The following LRPPRC variants were observed in gnomAD, a reference collection of about 807,000 sequenced individuals.
LRPPRC encodes the protein leucine rich pentatricopeptide repeat containing, also known as leucine-rich PPR motif-containing protein, mitochondrial.
Under a neutral mutation model 180.3 loss-of-function variants are expected in LRPPRC, and 120 were observed. The observed-to-expected ratio is 0.67, with a 90% CI of 0.57 to 0.77. The LOEUF (loss-of-function observed/expected upper bound fraction) is 0.77, where lower values mean the gene tolerates loss of function less well. Ranked by LOEUF, LRPPRC falls within the 30% of genes least tolerant of loss-of-function variation. LRPPRC has a pLI of 0.00. For synonymous variants in LRPPRC, 723 were observed against 600.0 expected (o/e 1.21, Z -3.00); for missense variants, 2,012 against 1,657.2 (o/e 1.21, Z -3.72).
At position 43,918,002 on chromosome 2, in the gene LRPPRC, CCCCCAT is replaced by C; in HGVS notation, c.3148+17_3148+22del. On this transcript the variant is annotated intron_variant, in intron 29 of 37. Coordinates refer to ENST00000260665, the MANE Select transcript of LRPPRC (RefSeq NM_133259.4). Reference sequence around the variant, plus strand: ...AAAGAAGACCACCCCCCCACACACACCCCCATCCCCGTATGTGCTTGCCTTTTTTTT... The same window carrying C: ...AAAGAAGACCACCCCCCCACACACACCCCCGTATGTGCTTGCCTTTTTTTT... 3 of 1,507,032 alleles carry C rather than the reference CCCCCAT, an allele frequency of 2.0e-6. No individual in the cohort carries two copies. Among genetic ancestry groups the C allele is most frequent in the Non-Finnish European group, 2.8e-6 (3 of 1,084,490 alleles). The allele number at this position is 1,507,032 out of a possible 1,614,324, so 93.4% of individuals were successfully genotyped here. A position where few individuals can be genotyped will look rare whatever the true frequency, so the allele number is the denominator to read the frequency against.
Position 43,899,580 on chromosome 2 carries a change from T to C in LRPPRC, c.3595A>G (p.Asn1199Asp), listed in dbSNP as rs113974315. 1.8e-3 allele frequency: 2,858 copies of C among 1,611,096 alleles called. 40 individuals carry two copies. The African/African-American group carries it at 0.032, about 18-fold the overall frequency. The change falls in exon 33 of 38, where the codon AAC becomes GAC. Residue 1199 changes from asparagine to aspartate, a missense_variant. Transcript: ENST00000260665. ...KNNNIDAAIE[N>D]IENMLTSENK... ...TCTGAAGTAAGCATATTTTCAATGT[T>C]TTCTATTGCGGCATCTATGTTATTA...
chr2:43,943,972 G>T (rs1572950350), intron 22 of LRPPRC, 78 bp from the exon 23 acceptor site: 1 of 1,004,804 alleles, frequency 1.0e-6, no homozygotes, highest in Non-Finnish European at 1.6e-6. Context: ...AGCATTTCAA[G>T]CCCAGCAGGA....
At chr2:43,963,863 A>G in intron 11 of LRPPRC, 157 bp from the exon 12 acceptor site, 2 of 652,996 alleles carry the variant, frequency 3.1e-6, no homozygotes, top group South Asian at 3.6e-5. Context: ...TGTGAGATAC[A>G]ATGATAAAAA....
At chr2:43,957,360 G>A (rs1276077843) in intron 14 of LRPPRC, 25 bp downstream of exon 14, 2 of 1,549,274 alleles carry the variant, frequency 1.3e-6, no homozygotes, top group Non-Finnish European at 1.8e-6. Context: ...GTTCAGGCAA[G>A]GAACATTTAA....
In LRPPRC at chr2:43,995,967, C is replaced by T. The variant is rs968980034; in HGVS notation, c.-20G>A. The stretch of plus-strand genomic sequence containing the variant: ...TGCCATTGCTCGAACGTCCCCGCAG[C>T]GGGAAGCACGCTCCGCCAGAAGGAC... On this transcript the variant is annotated 5_prime_UTR_variant, in exon 1 of 38. Coordinates refer to ENST00000260665, the MANE Select transcript of LRPPRC (RefSeq NM_133259.4). The T allele has an allele frequency of 6.6e-7, 1 of 1,523,908 alleles. No homozygotes were observed. Among genetic ancestry groups the T allele is most frequent in the Non-Finnish European group, 8.8e-7 (1 of 1,142,262 alleles). The allele number at this position is 1,523,908 out of a possible 1,614,324, so 94.4% of individuals were successfully genotyped here.
At chr2:43,980,723 A>G (rs1044987336) in intron 2 of LRPPRC, among the ~76,000 whole-genome samples, 29 of 152,192 alleles carry the variant, frequency 1.9e-4, no homozygotes, top group African/African-American at 6.3e-4. Context: ...ATATCCCTGA[A>G]AGCTGACTTT....
chr2:43,958,517 A>G (rs1192286694), intron 13 of LRPPRC, among the ~76,000 whole-genome samples: 1 of 152,216 alleles, frequency 6.6e-6, no homozygotes, highest in Non-Finnish European at 1.5e-5. Context: ...TTGAACAAGG[A>G]GCCTAAGTTT....
intron 37 of LRPPRC, among the ~76,000 whole-genome samples, chr2:43,889,222 G>A (rs1261446734): frequency 2.1e-5 from 3 of 142,734 alleles, no homozygotes; most frequent in Non-Finnish European, 4.5e-5. Flanking sequence ...GGCTGAGGCA[G>A]GAGAATCGCT....
chr2:43,902,472 C>G (rs776200540), intron 31 of LRPPRC: 1 of 152,060 alleles, frequency 6.6e-6, no homozygotes, highest in African/African-American at 2.4e-5. Context: ...CTAAGAACAG[C>G]TTAGTTTTAC....
intron 1 of LRPPRC, among the ~76,000 whole-genome samples, chr2:43,991,468 C>T (rs1457785729): frequency 6.6e-6 from 1 of 152,208 alleles, no homozygotes; most frequent in Non-Finnish European, 1.5e-5. Flanking sequence ...TTAGGCCAAT[C>T]ATTAGTCTAG....
intron 36 of LRPPRC, among the ~76,000 whole-genome samples, chr2:43,893,695 T>G (rs1289464809): frequency 6.6e-6 from 1 of 152,206 alleles, no homozygotes; most frequent in Non-Finnish European, 1.5e-5. Context: ...TTTATTGTGG[T>G]GGTCTGGAAC....
At chr2:43,973,518 G>A in intron 11 of LRPPRC, 89 bp downstream of exon 11, 4 of 832,496 alleles carry the variant, frequency 4.8e-6, no homozygotes, top group Non-Finnish European at 8.5e-6. Context: ...GAATAAGTAT[G>A]CTTTTCCAAA....
chr2:43,893,547 A>G (rs1670572391), intron 36 of LRPPRC, among the ~76,000 whole-genome samples: 2 of 152,234 alleles, frequency 1.3e-5, no homozygotes, highest in African/African-American at 4.8e-5. Flanking sequence ...ATTTTTAGCA[A>G]TATCTTAAAA....
chr2:43,888,428 A>G lies in LRPPRC; in HGVS notation c.*172T>C. The G allele has an allele frequency of 1.8e-6, 1 of 552,198 alleles. No homozygotes were observed. Among genetic ancestry groups the G allele is most frequent in the South Asian group, 2.0e-5 (1 of 49,040 alleles). 34.2% of individuals were successfully genotyped at this position (552,198 alleles called of 1,614,324 possible). On this transcript the variant is annotated 3_prime_UTR_variant, in exon 38 of 38. Coordinates refer to ENST00000260665, the MANE Select transcript of LRPPRC (RefSeq NM_133259.4). ...TTTCCCAGAGAAAAAAACTCCAAAA[A>G]TGTCCAATAACCAAGTGCACAGAGT...
chr2:43,909,307 C>G (rs1363279152), intron 30 of LRPPRC, among the ~76,000 whole-genome samples: 1 of 152,076 alleles, frequency 6.6e-6, no homozygotes, highest in Non-Finnish European at 1.5e-5. Context: ...ATCTTGGGTT[C>G]TCTTGGGTAG....
At position 43,947,416 on chromosome 2, in the gene LRPPRC, T is replaced by C. The variant is rs779248053; in HGVS notation, c.1966-46A>G. On this transcript the variant is annotated intron_variant, in intron 19 of 37. Coordinates refer to ENST00000260665, the MANE Select transcript of LRPPRC (RefSeq NM_133259.4). ...AAGAAAAATTTCCTGAAAAAGGAAATATAGTATGCCTTTTGTCACTCTTCC... is the reference window on the plus strand; with the variant it reads ...AAGAAAAATTTCCTGAAAAAGGAAACATAGTATGCCTTTTGTCACTCTTCC... 9 of 918,374 alleles carry C rather than the reference T, an allele frequency of 9.8e-6. No individual in the cohort carries two copies. The East Asian group carries it at 1.5e-4, about 15-fold the overall frequency. The allele number at this position is 918,374 out of a possible 1,614,324, so 56.9% of individuals were successfully genotyped here.
rs564704781 is a variant in LRPPRC, at chr2:43,940,431, C to T, written c.2504+3256G>A. ...TCCAAAAACATTGTTACAAGTTCAT[C>T]TTAGAGAAATTGTGACCTTTATGAA... is the stretch of plus-strand genomic sequence containing the variant. On this transcript the variant is annotated intron_variant, in intron 23 of 37. Coordinates refer to ENST00000260665, the MANE Select transcript of LRPPRC (RefSeq NM_133259.4). 1.4e-4 allele frequency among the ~76,000 whole-genome samples: 22 copies of T among 152,236 alleles called. No homozygotes were observed. In the South Asian group the frequency reaches 1.5e-3, roughly 10 times the overall value.
rs200115839 is a variant in LRPPRC, at chr2:43,957,374, G to A, written c.1649+11C>T. The A allele has an allele frequency of 3.1e-5, 49 of 1,597,670 alleles. No homozygotes were observed. The African/African-American group carries it at 5.6e-4, about 18-fold the overall frequency. On this transcript the variant is annotated intron_variant, in intron 14 of 37. Coordinates refer to ENST00000260665, the MANE Select transcript of LRPPRC (RefSeq NM_133259.4). ...TGTTCAGGCAAGGAACATTTAAGTT[G>A]ATCATCTTACCTCCTGAAGCCTAGC... is the stretch of plus-strand genomic sequence containing the variant.
chr2:43,972,144 C>G (rs1055492842), intron 11 of LRPPRC, among the ~76,000 whole-genome samples: 50 of 152,118 alleles, frequency 3.3e-4, no homozygotes, highest in Non-Finnish European at 1.9e-4. Flanking sequence ...GACAGAAACC[C>G]TCTATTCTAA....
Sources: gnomAD v4.1 joint callset for allele counts (sites outside exome capture counted in the v4.1 genomes callset) on GRCh38, gnomAD v4.1.1 for gene constraint, MANE v1.5 for transcripts, NCBI Gene and HGNC (gene_info 2026-07-23, HGNC 2026-07-21) for gene names.